FADS2: variants seen among roughly 807,000 people sequenced by gnomAD.
FADS2 encodes the protein acyl-CoA 6-desaturase.
In FADS2, 18 loss-of-function variants were observed where a neutral mutation model predicts 61.2. The observed-to-expected ratio is 0.29, with a 90% CI of 0.20 to 0.44. FADS2 has a LOEUF of 0.44. Ranked by LOEUF, FADS2 falls within the 20% of genes least tolerant of loss-of-function variation. FADS2 has a pLI of 1.00. For synonymous variants in FADS2, 203 were observed against 223.9 expected, an observed-to-expected ratio of 0.91 and a Z score of 0.83; for missense variants, 322 against 572.7, an observed-to-expected ratio of 0.56 and a Z score of 4.47.
chr11:61,847,895 C>T, intron 4 of FADS2: 1 of 435,590 alleles, frequency 2.3e-6, no homozygotes, highest in Non-Finnish European at 4.3e-6. Context: ...CGTGTGGTCC[C>T]TCAGCAGCAC....
intron 10 of FADS2, 140 bp downstream of exon 10, chr11:61,863,926 C>T: frequency 1.4e-6 from 1 of 694,656 alleles, no homozygotes; most frequent in Non-Finnish European, 2.5e-6. Flanking sequence ...AGCAAGGCTC[C>T]CAGCCAGCCC....
In FADS2 at chr11:61,863,392, G is replaced by A; in HGVS notation, c.1077+14G>A. 1.3e-6 allele frequency: 2 copies of A among 1,583,990 alleles called. No homozygotes were observed. The highest frequency in any genetic ancestry group is 1.7e-6 in the Non-Finnish European group (2 of 1,152,740). ...TTCAGTAGCCAGGTAGGGAAGTCAG[G>A]GCCGGTCACCAGAGCCTGGTCCCAA... On this transcript the variant is annotated intron_variant, in intron 9 of 11. Transcript: ENST00000278840.
rs757505668 is a variant in FADS2, at chr11:61,865,173, G to T, written c.1179G>T (p.Arg393=). 2.5e-6 allele frequency: 4 copies of T among 1,613,502 alleles called. No homozygotes were observed. The African/African-American group carries it at 5.3e-5, about 22-fold the overall frequency. ...TCAGCCTCTTCCCCACCATGCCCCG[G>T]CACAACTTACACAAGATCGCCCCGC... ...IEHHLFPTMP[R]HNLHKIAPLV... is the part of the protein sequence containing the mutation. Residue 393 remains arginine, a synonymous_variant, in exon 11 of 12, where the codon CGG becomes CGT. Coordinates refer to ENST00000278840, the MANE Select transcript of FADS2 (RefSeq NM_004265.4). This position sits in a 1 kb window ranked among gnomAD's most constrained non-coding sequence, Gnocchi z 4.1.
At position 61,839,166 on chromosome 11, in the gene FADS2, C is replaced by T. The variant is rs148676730; in HGVS notation, c.319-1168C>T. ...CTTTGCCTCCCTGGCTCCATGTGCC[C>T]GGGACTCACAGCCCCCTCCTGCCTG... is the stretch of plus-strand genomic sequence containing the variant. On this transcript the variant is annotated intron_variant, in intron 2 of 11. Coordinates refer to ENST00000278840, the MANE Select transcript of FADS2 (RefSeq NM_004265.4). 1.2e-3 allele frequency among the ~76,000 whole-genome samples: 189 copies of T among 151,824 alleles called. 1 individual carries two copies. The highest frequency in any genetic ancestry group is 2.3e-3 in the Non-Finnish European group (159 of 67,908).
rs117520864 is a variant in FADS2 at position 61,828,732 on chromosome 11, A to G, written c.207+135A>G. 1,028 of 727,710 alleles carry G rather than the reference A, an allele frequency of 1.4e-3. 9 individuals are homozygous for G. The East Asian group carries it at 0.025, about 18-fold the overall frequency. The allele number at this position is 727,710 out of a possible 1,614,324, so 45.1% of individuals were successfully genotyped here. A position where few individuals can be genotyped will look rare whatever the true frequency, so the allele number is the denominator to read the frequency against. On this transcript the variant is annotated intron_variant, in intron 1 of 11. Transcript: ENST00000278840. This position sits in a 1 kb window ranked among gnomAD's most constrained non-coding sequence, Gnocchi z 6.4. ...TCCTGTAGGGAAGGAAAGTGCATCT[A>G]TTGCACTCGTACCCCCTCCCCAATC...
In FADS2 at chr11:61,848,279, A is replaced by G. The variant is rs771137353; in HGVS notation, c.739A>G (p.Ile247Val). ...GTTTGTTCTGGGCGAATGGCAGCCC[A>G]TCGAGGTACGACTAAGAGGATGGTG... ...HVFVLGEWQP[I>V]EYGKKKLKYL... is the part of the protein sequence containing the mutation. Residue 247 changes from isoleucine (I) to valine (V), a missense_variant, in exon 5 of 12, where the codon ATC becomes GTC. Transcript: ENST00000278840. The G allele has an allele frequency of 8.1e-6, 13 of 1,614,198 alleles. No homozygotes were observed. Among genetic ancestry groups the G allele is most frequent in the African/African-American group, 6.7e-5 (5 of 75,056 alleles).
upstream of FADS2, among the ~76,000 whole-genome samples, chr11:61,827,047 C>T (rs2067091518): frequency 6.6e-6 from 1 of 152,164 alleles, no homozygotes. The surrounding 1 kb of genome is among the most constrained non-coding windows in gnomAD (Gnocchi z 4.5). Context: ...CTAGTGATTC[C>T]CAAGCCTCGT....
chr11:61,855,295 A>C (rs945609510), intron 5 of FADS2: 8 of 152,412 alleles, frequency 5.2e-5, no homozygotes, highest in Admixed American at 5.2e-4. Flanking sequence ...ACTGCATGCC[A>C]AGGCTGGGGC....
At chr11:61,825,894 A>G (rs147512897), upstream of FADS2, 689 of 589,182 alleles carry the variant, frequency 1.2e-3, 5 homozygotes, top group African/African-American at 0.01. Flanking sequence ...CTGCATCTCA[A>G]AAAAAAATTA....
At chr11:61,820,238 C>T (rs138115313) in intron 1 of FADS2, among the ~76,000 whole-genome samples, 184 of 151,986 alleles carry the variant, frequency 1.2e-3, no homozygotes, top group African/African-American at 4.1e-3. Context: ...TTTTATTTAA[C>T]ATTTGTGGGG....
intron 7 of FADS2, among the ~76,000 whole-genome samples, chr11:61,860,751 T>C (rs991630209): frequency 7.2e-5 from 11 of 152,002 alleles, no homozygotes; most frequent in Non-Finnish European, 1.5e-4. Flanking sequence ...CGAAACCCTG[T>C]CTCTACAAAA....
rs568141482 is a variant in FADS2 at position 61,833,315 on chromosome 11, G to A, written c.208-4463G>A. Among the ~76,000 whole-genome samples the A allele has an allele frequency of 2.6e-5, 4 of 152,318 alleles. No homozygotes were observed. In the South Asian group the frequency reaches 8.3e-4, roughly 32 times the overall value. ...TGGTCCAAAGACAAAGTTTGGGTTG[G>A]CCCTCCCTTGCCTTGAATCCTGGTC... On this transcript the variant is annotated intron_variant, in intron 1 of 11. Transcript: ENST00000278840.
intron 4 of FADS2, among the ~76,000 whole-genome samples, chr11:61,845,547 C>T (rs575831230): frequency 6.6e-6 from 1 of 152,220 alleles, no homozygotes; most frequent in East Asian, 1.9e-4. Flanking sequence ...AATCCCAGCA[C>T]TTTGGGAGGC....
chr11:61,863,546 G>A (rs922646110), intron 9 of FADS2, among the ~76,000 whole-genome samples, 161 bp from the exon 10 acceptor site: 96 of 152,164 alleles, frequency 6.3e-4, no homozygotes, highest in African/African-American at 2.2e-3. Context: ...GAATCCCCCA[G>A]AGGGACAGGT....
chr11:61,824,819 G>C (rs867029013), upstream of FADS2, among the ~76,000 whole-genome samples: 1 of 152,140 alleles, frequency 6.6e-6, no homozygotes, highest in Non-Finnish European at 1.5e-5. Flanking sequence ...GAATGGGGGA[G>C]AATTATTTCT....
At chr11:61,845,030 C>CTTTTTTT (rs71046747) in intron 4 of FADS2, among the ~76,000 whole-genome samples, 2 of 44,124 alleles carry the variant, frequency 4.5e-5, no homozygotes, top group African/African-American at 8.7e-5. Context: ...CAGAAGTGCA[C>CTTTTTTT]TTTTTTTTTT....
upstream of FADS2, chr11:61,828,172 A>C (rs899017895): frequency 7.1e-7 from 1 of 1,412,266 alleles, no homozygotes; most frequent in Non-Finnish European, 9.2e-7. This position sits in a 1 kb window ranked among gnomAD's most constrained non-coding sequence, Gnocchi z 6.4. Context: ...GCTTGGGGGC[A>C]CTGGGAAGCC....
At chr11:61,832,190 A>C (rs971588048) in intron 1 of FADS2, among the ~76,000 whole-genome samples, 1 of 152,154 alleles carries the variant, frequency 6.6e-6, no homozygotes, top group Admixed American at 6.5e-5. Flanking sequence ...TCTTAGAATC[A>C]AGGGAAGGTG....
upstream of FADS2, among the ~76,000 whole-genome samples, chr11:61,824,490 GAAAGAAAGAAAGGAAAGAAAGAAAGAA>G (rs1211441138): frequency 2.3e-3 from 21 of 9,296 alleles, 2 homozygotes; most frequent in African/African-American, 2.9e-3. Flanking sequence ...GAGAGAGAGA[GAAAGAAAGAAAGGAAAGAAAGAAAGAA>G]AGAAAGAAAG....
Sources: allele counts gnomAD v4.1 joint callset (sites outside exome capture counted in the v4.1 genomes callset), GRCh38; gene constraint gnomAD v4.1.1; non-coding constraint Gnocchi (gnomAD v3.1); transcripts MANE v1.5; gene names NCBI Gene and HGNC (gene_info 2026-07-23, HGNC 2026-07-21).